The following EZR variants were observed in gnomAD, a reference collection of about 807,000 sequenced individuals.
The protein encoded by EZR is cytovillin 2.
EZR carries 40 observed loss-of-function variants against 74.8 expected under a neutral mutation model. That is an observed-to-expected ratio of 0.53 (90% CI 0.42 to 0.70). The LOEUF is 0.70. Among genes scored for constraint, EZR ranks in the 30% least tolerant of loss-of-function variants. EZR has a pLI of 0.00. For synonymous variants in EZR, 341 were observed against 283.3 expected, an observed-to-expected ratio of 1.20 and a Z score of -2.05; for missense variants, 678 against 755.8, an observed-to-expected ratio of 0.90 and a Z score of 1.21.
intron 2 of EZR, among the ~76,000 whole-genome samples, chr6:158,817,722 C>T (rs1276891770): frequency 1.3e-5 from 2 of 152,166 alleles, no homozygotes; most frequent in Non-Finnish European, 2.9e-5. Flanking sequence ...CGGAAGCCAT[C>T]TGAGTCTCCC....
intron 2 of EZR, among the ~76,000 whole-genome samples, chr6:158,803,579 AT>A (rs1562504516): frequency 0.21 from 10,029 of 47,848 alleles, 1,471 homozygotes; most frequent in South Asian, 0.37. Flanking sequence ...ATATATATAT[AT>A]ACATATATAT....
intron 2 of EZR, among the ~76,000 whole-genome samples, chr6:158,800,270 T>C (rs1192442624): frequency 6.6e-6 from 1 of 152,192 alleles, no homozygotes; most frequent in Non-Finnish European, 1.5e-5. Flanking sequence ...GACACTGACC[T>C]GACAGTATAC....
chr6:158,803,351 T>G (rs1024630725), intron 2 of EZR, among the ~76,000 whole-genome samples: 4 of 151,328 alleles, frequency 2.6e-5, no homozygotes, highest in Non-Finnish European at 5.9e-5. Flanking sequence ...TGATGACCTT[T>G]TTTTAATGGT....
intron 6 of EZR, 38 bp downstream of exon 6, chr6:158,784,606 G>A (rs1323387129): frequency 1.6e-5 from 25 of 1,571,308 alleles, no homozygotes; most frequent in Non-Finnish European, 2.1e-5. Flanking sequence ...GGAGCGCACG[G>A]AGATGGCAAG....
At chr6:158,784,167 C>G (rs943484319) in intron 6 of EZR, among the ~76,000 whole-genome samples, 1 of 152,140 alleles carries the variant, frequency 6.6e-6, no homozygotes, top group East Asian at 1.9e-4. Context: ...GGCTCTAGGA[C>G]GAGAACACCC....
At chr6:158,777,752 T>C (rs534236164) in intron 7 of EZR, among the ~76,000 whole-genome samples, 1 of 152,254 alleles carries the variant, frequency 6.6e-6, no homozygotes, top group Admixed American at 6.5e-5. Flanking sequence ...AGGGCAAACA[T>C]GTAAGCCTGA....
intron 4 of EZR, among the ~76,000 whole-genome samples, chr6:158,786,878 C>A (rs1791596525): frequency 6.6e-6 from 1 of 152,172 alleles, no homozygotes; most frequent in Admixed American, 6.5e-5. Flanking sequence ...AAAAGCTATG[C>A]AATTAACCAT....
At chr6:158,774,177 ACTT>A (rs991779863) in intron 8 of EZR, among the ~76,000 whole-genome samples, 6 of 152,108 alleles carry the variant, frequency 3.9e-5, no homozygotes, top group Non-Finnish European at 8.8e-5. Context: ...GAAAACTTGA[ACTT>A]CTTCTGCCCA....
At chr6:158,792,274 C>T (rs764552557) in intron 2 of EZR, among the ~76,000 whole-genome samples, 2 of 105,952 alleles carry the variant, frequency 1.9e-5, no homozygotes, top group Non-Finnish European at 4.7e-5. Flanking sequence ...AGTGCAGTGG[C>T]ATCATCTCAG....
At chr6:158,776,964 T>C (rs954794794) in intron 7 of EZR, among the ~76,000 whole-genome samples, 4 of 152,144 alleles carry the variant, frequency 2.6e-5, no homozygotes, top group Non-Finnish European at 4.4e-5. Flanking sequence ...TCTCCTCCCA[T>C]GTCAACACAG....
chr6:158,772,787 G>A lies in EZR; in HGVS notation c.796-1380C>T, dbSNP rs1791156766. Among the ~76,000 whole-genome samples the A allele has an allele frequency of 2.0e-5, 3 of 152,160 alleles. No individual in the cohort carries two copies. The South Asian group carries it at 6.2e-4, about 32-fold the overall frequency. ...CTGACCATTTGGAACAGAGGGACAG[G>A]GTGGCTAAAACAAAAAAACAGTGCG... On this transcript the variant is annotated intron_variant, in intron 8 of 13. Coordinates refer to ENST00000367075, the MANE Select transcript of EZR (RefSeq NM_001111077.2).
Position 158,767,445 on chromosome 6 carries a change from G to T in EZR, c.1412C>A (p.Pro471Gln). The change falls in exon 13 of 14, where the codon CCG becomes CAG. Residue 471 changes from proline (P) to glutamine (Q), a missense_variant. By Grantham distance (76) the Pro-to-Gln change is moderately conservative (BLOSUM62 -1). This residue lies in a region of EZR where 342 missense variants were observed against 341.2 expected (regional missense o/e 1.00). Transcript: ENST00000367075. The stretch of plus-strand genomic sequence containing the variant: ...CTCGTACACGGGGGGTGGTGGGGGC[G>T]GGGGTGCTGTCATCACCAGGTGCAG... ...EELHLVMTAP[P>Q]PPPPPVYEPV... is the part of the protein sequence containing the mutation. The T allele has an allele frequency of 1.2e-6, 2 of 1,612,794 alleles. No individual in the cohort carries two copies. Among genetic ancestry groups the T allele is most frequent in the Non-Finnish European group, 1.7e-6 (2 of 1,179,166 alleles).
chr6:158,797,657 A>G (rs1777102176), intron 2 of EZR, among the ~76,000 whole-genome samples: 2 of 152,260 alleles, frequency 1.3e-5, no homozygotes, highest in Admixed American at 1.3e-4. Flanking sequence ...AAGTAGATAC[A>G]GTAAATTTTC....
At chr6:158,797,172 A>G (rs1562501401) in intron 2 of EZR, among the ~76,000 whole-genome samples, 1 of 152,238 alleles carries the variant, frequency 6.6e-6, no homozygotes, top group Non-Finnish European at 1.5e-5. Flanking sequence ...AAACTGTAAT[A>G]AAAGCCCAAG....
chr6:158,784,018 T>C (rs192935404), intron 6 of EZR, among the ~76,000 whole-genome samples: 4 of 152,354 alleles, frequency 2.6e-5, no homozygotes, highest in East Asian at 1.9e-4. Flanking sequence ...ACCCTCCTCA[T>C]AGGCTTTGAG....
intron 7 of EZR, among the ~76,000 whole-genome samples, chr6:158,782,106 A>T (rs1305733917): frequency 2.0e-5 from 3 of 151,838 alleles, no homozygotes; most frequent in Non-Finnish European, 4.4e-5. Context: ...TTGGAGTAGG[A>T]GCGAACCGAG....
At chr6:158,768,566 A>T (rs984427295) in intron 12 of EZR, among the ~76,000 whole-genome samples, 1 of 152,110 alleles carries the variant, frequency 6.6e-6, no homozygotes, top group Non-Finnish European at 1.5e-5. Context: ...GAAGGAGAGG[A>T]GCTGCTTAAA....
In EZR at chr6:158,811,579, A is replaced by G. The variant is rs377292699; in HGVS notation, c.12+6503T>C. Among the ~76,000 whole-genome samples, 30 of 152,360 alleles carry G rather than the reference A, an allele frequency of 2.0e-4. No homozygotes were observed. In the South Asian group the frequency reaches 5.8e-3, roughly 29 times the overall value. On this transcript the variant is annotated intron_variant, in intron 2 of 13. Transcript: ENST00000367075. ...AACATTTGTTAGAAATCACATTATCAGCCAGGCATGGTGGCTCACACCTAT... is the reference window on the plus strand; with the variant it reads ...AACATTTGTTAGAAATCACATTATCGGCCAGGCATGGTGGCTCACACCTAT...
rs1791107339 is a variant in EZR at position 158,771,485 on chromosome 6, C to A, written c.796-78G>T. 9 of 1,455,082 alleles carry A rather than the reference C, an allele frequency of 6.2e-6. No homozygotes were observed. The South Asian group carries it at 1.1e-4, about 18-fold the overall frequency. The allele number at this position is 1,455,082 out of a possible 1,614,324, so 90.1% of individuals were successfully genotyped here. On this transcript the variant is annotated intron_variant, in intron 8 of 13. Coordinates refer to ENST00000367075, the MANE Select transcript of EZR (RefSeq NM_001111077.2). ...TCTCCAAACCATCCTTCACAAAGGT[C>A]CAGAACTTTTCTAAAAGAACAAATG...
Sources: allele counts gnomAD v4.1 joint callset (sites outside exome capture counted in the v4.1 genomes callset), GRCh38; gene constraint gnomAD v4.1.1; regional missense constraint gnomAD v4.1.1; transcripts MANE v1.5; gene names NCBI Gene and HGNC (gene_info 2026-07-23, HGNC 2026-07-21).